IQUB: variants seen among roughly 807,000 people sequenced by gnomAD.
IQUB encodes the protein IQ motif and ubiquitin-like domain-containing protein.
A neutral mutation model predicts 86.4 loss-of-function variants in IQUB; 86 were observed. The ratio of observed to expected loss-of-function variants is 1.00; its 90% CI spans 0.84 to 1.19. The LOEUF (loss-of-function observed/expected upper bound fraction) is 1.19, where lower values mean the gene tolerates loss of function less well. Among genes scored for constraint, IQUB ranks in the 50% most tolerant of loss-of-function variants. The probability of loss-of-function intolerance (pLI) is 0.00; values close to 1 mark genes in which losing one functional copy is unlikely to be tolerated. For synonymous variants in IQUB, 289 were observed against 304.5 expected (o/e 0.95, Z 0.53); for missense variants, 946 against 916.9 (o/e 1.03, Z -0.41).
chr7:123,457,338 C>T lies in IQUB; in HGVS notation c.2193+43G>A, dbSNP rs762977784. On this transcript the variant is annotated intron_variant, in intron 12 of 12. Coordinates refer to ENST00000324698, the MANE Select transcript of IQUB (RefSeq NM_178827.5). ...GCAGTCCAGTTATCGCTAATAATTC[C>T]AATGATTAAATTAACTTCCCAAATA... The T allele has an allele frequency of 3.8e-6, 6 of 1,593,594 alleles. No individual in the cohort carries two copies. In the East Asian group the frequency reaches 6.8e-5, roughly 18 times the overall value.
At chr7:123,471,736 C>G (rs1480680110) in intron 8 of IQUB, among the ~76,000 whole-genome samples, 2 of 152,098 alleles carry the variant, frequency 1.3e-5, no homozygotes, top group Non-Finnish European at 2.9e-5. Context: ...ATTTTGAACT[C>G]AAACCCTACC....
At chr7:123,464,786 A>G (rs762620343) in intron 10 of IQUB, 47 bp downstream of exon 10, 8 of 1,302,506 alleles carry the variant, frequency 6.1e-6, no homozygotes, top group Non-Finnish European at 8.4e-6. Context: ...TTACTATACC[A>G]CATCTTAGGA....
chr7:123,493,732 TGTGTGTG>T (rs1795587071), intron 7 of IQUB, among the ~76,000 whole-genome samples: 2 of 10,608 alleles, frequency 1.9e-4, no homozygotes, highest in African/African-American at 5.4e-4. Context: ...TGTGTGTGTA[TGTGTGTG>T]TGTGTGTGTG....
intron 8 of IQUB, among the ~76,000 whole-genome samples, chr7:123,472,734 C>A (rs1243525439): frequency 6.6e-6 from 1 of 152,224 alleles, no homozygotes; most frequent in Non-Finnish European, 1.5e-5. Flanking sequence ...TTTCTGCCAA[C>A]ACAGATAACT....
chr7:123,461,223 C>T, intron 11 of IQUB, 134 bp downstream of exon 11: 2 of 882,914 alleles, frequency 2.3e-6, no homozygotes, highest in Non-Finnish European at 3.4e-6. Flanking sequence ...ATACTCCTGC[C>T]CTCACAGAGC....
intron 3 of IQUB, among the ~76,000 whole-genome samples, chr7:123,503,733 C>T (rs1796052268): frequency 6.6e-6 from 1 of 151,596 alleles, no homozygotes; most frequent in Non-Finnish European, 1.5e-5. Flanking sequence ...ATTAAATATA[C>T]TATTAATATA....
chr7:123,502,785 T>C, intron 5 of IQUB, 33 bp from the exon 6 acceptor site: 1 of 1,500,864 alleles, frequency 6.7e-7, no homozygotes, highest in South Asian at 1.2e-5. Flanking sequence ...TAAATCAGTA[T>C]CCCCTATATA....
At chr7:123,515,320 C>A (rs1048460064) in intron 1 of IQUB, among the ~76,000 whole-genome samples, 1 of 152,130 alleles carries the variant, frequency 6.6e-6, no homozygotes, top group Non-Finnish European at 1.5e-5. Context: ...TCAGAAAACA[C>A]AACTGGGAGA....
At chr7:123,502,386 A>G in intron 6 of IQUB, 1 of 527,258 alleles carries the variant, frequency 1.9e-6, no homozygotes, top group Non-Finnish European at 3.3e-6. Flanking sequence ...GGTTTCCCTA[A>G]GAGAAAAGGA....
chr7:123,496,780 C>T lies in IQUB; in HGVS notation c.1150G>A (p.Glu384Lys). The change falls in exon 7 of 13, where the codon GAA (glutamate) becomes AAA (lysine). Residue 384 changes from glutamate (E) to lysine (K), a missense_variant. Physicochemically the swap from Glu to Lys is moderately conservative, Grantham distance 56. Coordinates refer to ENST00000324698, the MANE Select transcript of IQUB (RefSeq NM_178827.5). ...QQELRKIREK[E>K]EWIKLDYHRR... ...TGATAGTCCAATTTTATCCATTCTTCTTTTTCTCTTATCTTCCTTAGTTCT... is the reference window on the plus strand; with the variant it reads ...TGATAGTCCAATTTTATCCATTCTTTTTTTTCTCTTATCTTCCTTAGTTCT... 6.2e-7 allele frequency: 1 copy of T among 1,611,996 alleles called. No homozygotes were observed. The highest frequency in any genetic ancestry group is 8.5e-7 in the Non-Finnish European group (1 of 1,178,644).
chr7:123,452,628 AC>A lies in IQUB; in HGVS notation c.*114del. 1.6e-6 allele frequency: 1 copy of A among 608,956 alleles called. No individual in the cohort carries two copies. The highest frequency in any genetic ancestry group is 2.5e-6 in the Non-Finnish European group (1 of 393,228). The allele number at this position is 608,956 out of a possible 1,614,324, so 37.7% of individuals were successfully genotyped here. A position where few individuals can be genotyped will look rare whatever the true frequency, so the allele number is the denominator to read the frequency against. Reference sequence around the variant, plus strand: ...TATATAACTCAAAATACTATGAAAAACAAAAAACAAAATCAATAAACAGATT... The same window carrying A: ...TATATAACTCAAAATACTATGAAAAAAAAAAACAAAATCAATAAACAGATT... On this transcript the variant is annotated 3_prime_UTR_variant, in exon 13 of 13. Transcript: ENST00000324698.
At chr7:123,530,680 T>C (rs1797490649) in intron 1 of IQUB, among the ~76,000 whole-genome samples, 1 of 148,474 alleles carries the variant, frequency 6.7e-6, no homozygotes, top group African/African-American at 2.5e-5. Flanking sequence ...TGATTTTTTT[T>C]TTTTTTTTTT....
intron 3 of IQUB, among the ~76,000 whole-genome samples, chr7:123,507,242 C>T (rs1796219789): frequency 6.6e-6 from 1 of 152,190 alleles, no homozygotes; most frequent in Admixed American, 6.5e-5. Flanking sequence ...ACACTTCGAG[C>T]ACCCAATCAT....
At chr7:123,480,556 T>C (rs1794961257) in intron 7 of IQUB, among the ~76,000 whole-genome samples, 2 of 152,108 alleles carry the variant, frequency 1.3e-5, no homozygotes, top group African/African-American at 4.8e-5. Flanking sequence ...CCATCTTCTT[T>C]CCTTCCCTCT....
intron 1 of IQUB, among the ~76,000 whole-genome samples, chr7:123,522,706 T>C (rs1311183074): frequency 3.3e-5 from 5 of 152,000 alleles, no homozygotes; most frequent in African/African-American, 4.8e-5. Flanking sequence ...GAGAAAAAAA[T>C]ACTTTTATTA....
intron 3 of IQUB, among the ~76,000 whole-genome samples, chr7:123,504,135 G>A (rs577776829): frequency 6.6e-6 from 1 of 152,092 alleles, no homozygotes; most frequent in Non-Finnish European, 1.5e-5. Flanking sequence ...AAAACTACCT[G>A]AGACTGCATA....
chr7:123,522,127 T>C (rs958197691), intron 1 of IQUB, among the ~76,000 whole-genome samples: 16 of 152,102 alleles, frequency 1.1e-4, no homozygotes, highest in African/African-American at 3.9e-4. Context: ...GGGTTCTGTT[T>C]GCACCGAGAA....
At chr7:123,499,979 C>G (rs1287845408) in intron 6 of IQUB, among the ~76,000 whole-genome samples, 1 of 152,204 alleles carries the variant, frequency 6.6e-6, no homozygotes, top group Non-Finnish European at 1.5e-5. Flanking sequence ...AGAGCGACCT[C>G]TGGTCATCCT....
chr7:123,453,204 A>G (rs1245817329), intron 12 of IQUB, among the ~76,000 whole-genome samples: 2 of 149,908 alleles, frequency 1.3e-5, no homozygotes, highest in African/African-American at 2.4e-5. Flanking sequence ...CTGATTTTGT[A>G]TAGGGTGTGA....
Sources: gnomAD v4.1 joint callset for allele counts (sites outside exome capture counted in the v4.1 genomes callset) on GRCh38, gnomAD v4.1.1 for gene constraint, MANE v1.5 for transcripts, NCBI Gene and HGNC (gene_info 2026-07-23, HGNC 2026-07-21) for gene names.